NLGN4X: variants seen among roughly 807,000 people sequenced by gnomAD.
NLGN4X encodes the protein neuroligin-4, X-linked.
Under a neutral mutation model 40.3 loss-of-function variants are expected in NLGN4X, and 3 were observed. The observed-to-expected ratio is 0.07, with a 90% CI of 0.03 to 0.19. NLGN4X has a LOEUF of 0.19. Among genes scored for constraint, NLGN4X ranks in the 10% least tolerant of loss-of-function variants. The pLI, the probability that NLGN4X is intolerant of heterozygous loss-of-function variation, is 1.00. For synonymous variants in NLGN4X, 270 were observed against 306.8 expected (o/e 0.88, Z 1.25); for missense variants, 382 against 708.3 (o/e 0.54, Z 5.23).
chrX:5,944,988 A>G (rs1354478868), intron 3 of NLGN4X, among the ~76,000 whole-genome samples: 1 of 112,124 alleles, frequency 8.9e-6, no homozygotes, highest in Non-Finnish European at 1.9e-5. Context: ...AAAAGGTAGA[A>G]CACATACCCA....
At chrX:6,201,847 G>T (rs1923643457) in intron 1 of NLGN4X, among the ~76,000 whole-genome samples, 1 of 111,031 alleles carries the variant, frequency 9.0e-6, no homozygotes, top group African/African-American at 3.3e-5. Context: ...ACTTGGAAGA[G>T]AAGTGAGAGC....
intron 2 of NLGN4X, among the ~76,000 whole-genome samples, chrX:6,087,410 T>C (rs750249797): frequency 7.1e-5 from 8 of 112,028 alleles, no homozygotes; most frequent in Non-Finnish European, 1.3e-4. Context: ...CGTGCATACA[T>C]AGGTTTAAGG....
chrX:6,033,692 T>C (rs1040417757), intron 2 of NLGN4X, among the ~76,000 whole-genome samples: 2 of 93,413 alleles, frequency 2.1e-5, no homozygotes, highest in Non-Finnish European at 4.3e-5. Context: ...GGAATTTTAA[T>C]ATAGGCAAAA....
At chrX:6,161,140 TC>T (rs1334137728) in intron 1 of NLGN4X, among the ~76,000 whole-genome samples, 14 of 56,851 alleles carry the variant, frequency 2.5e-4, no homozygotes, top group African/African-American at 1.2e-3. Context: ...AATATATTAT[TC>T]TATATATTAT....
chrX:6,116,729 C>T (rs976567815), intron 2 of NLGN4X, among the ~76,000 whole-genome samples: 10 of 109,725 alleles, frequency 9.1e-5, no homozygotes, highest in African/African-American at 3.0e-4. Context: ...AGGGTTTCAC[C>T]ATGTTGGCCA....
intron 1 of NLGN4X, among the ~76,000 whole-genome samples, chrX:6,208,230 A>C (rs1200019558): frequency 8.9e-6 from 1 of 112,051 alleles, no homozygotes; most frequent in African/African-American, 3.2e-5. Context: ...CCATCTACTG[A>C]GCTTTCATTT....
intron 3 of NLGN4X, among the ~76,000 whole-genome samples, chrX:6,012,683 C>A (rs930993242): frequency 9.0e-6 from 1 of 110,777 alleles, no homozygotes; most frequent in African/African-American, 3.3e-5. Flanking sequence ...AGGGTATAAC[C>A]CTAAATCCAA....
chrX:6,176,552 G>A (rs1333113076), intron 1 of NLGN4X, among the ~76,000 whole-genome samples: 1 of 112,074 alleles, frequency 8.9e-6, no homozygotes, highest in African/African-American at 3.2e-5. Context: ...AGGTTATCCA[G>A]TGGGTCCACA....
chrX:6,211,440 A>G (rs1924595591), intron 1 of NLGN4X, among the ~76,000 whole-genome samples: 1 of 112,105 alleles, frequency 8.9e-6, no homozygotes. Flanking sequence ...TAACCATGAA[A>G]AACAATGCTT....
intron 2 of NLGN4X, among the ~76,000 whole-genome samples, chrX:6,060,330 C>T (rs1035324364): frequency 9.0e-6 from 1 of 111,601 alleles, no homozygotes; most frequent in Non-Finnish European, 1.9e-5. Flanking sequence ...AGCAGATCCA[C>T]GATCCTTTAG....
rs181354820 is a variant in NLGN4X, at chrX:6,018,993, T to A, written c.625+10287A>T. Among the ~76,000 whole-genome samples the A allele has an allele frequency of 4.4e-5, 5 of 112,567 alleles. No homozygotes were observed. The East Asian group carries it at 1.4e-3, about 31-fold the overall frequency. On this transcript the variant is annotated intron_variant, in intron 3 of 5. Transcript: ENST00000381095. ...GTCCAAGGATAAAGTATCTTAAGAATATGGCTGGACGTGCCAATCAATATG... is the reference window on the plus strand; with the variant it reads ...GTCCAAGGATAAAGTATCTTAAGAAAATGGCTGGACGTGCCAATCAATATG...
intron 2 of NLGN4X, among the ~76,000 whole-genome samples, chrX:6,074,711 A>G (rs1488910479): frequency 1.8e-5 from 2 of 111,871 alleles, no homozygotes; most frequent in Non-Finnish European, 3.8e-5. Context: ...ATGGCCTTTA[A>G]GTATGCAGAA....
chrX:5,899,957 C>T (rs2031750447), intron 5 of NLGN4X, among the ~76,000 whole-genome samples: 1 of 111,777 alleles, frequency 8.9e-6, no homozygotes, highest in South Asian at 3.7e-4. Context: ...CAGACCAAGT[C>T]GGTAATACGT....
intron 3 of NLGN4X, among the ~76,000 whole-genome samples, chrX:5,946,896 C>T (rs1487091689): frequency 9.0e-6 from 1 of 111,462 alleles, no homozygotes; most frequent in African/African-American, 3.3e-5. Context: ...GTGTTCTCAT[C>T]TTTAGCTCCC....
chrX:5,943,480 A>G (rs1362607943), intron 3 of NLGN4X, among the ~76,000 whole-genome samples: 1 of 112,125 alleles, frequency 8.9e-6, no homozygotes, highest in African/African-American at 3.2e-5. Context: ...AAGCCACTAC[A>G]GGTTGGATAA....
intron 3 of NLGN4X, among the ~76,000 whole-genome samples, chrX:5,934,165 G>A (rs768015448): frequency 2.2e-4 from 24 of 111,265 alleles, no homozygotes; most frequent in Admixed American, 7.7e-4. Flanking sequence ...TTCTGTGCCT[G>A]GCTTATTTCA....
chrX:5,970,727 C>T (rs2034998267), intron 3 of NLGN4X, among the ~76,000 whole-genome samples: 1 of 111,881 alleles, frequency 8.9e-6, no homozygotes, highest in African/African-American at 3.2e-5. Context: ...AAGGTAGGGC[C>T]ATACCTTAAC....
At chrX:5,922,336 G>A (rs888281776) in intron 3 of NLGN4X, among the ~76,000 whole-genome samples, 11 of 111,235 alleles carry the variant, frequency 9.9e-5, no homozygotes, top group Non-Finnish European at 1.7e-4. Flanking sequence ...CAAATAGCTA[G>A]AAGGAGGAAA....
rs963952986 is a variant in NLGN4X at position 5,891,893 on chromosome X, C to T, written c.*924G>A. ...GACGGGGGAAATAGGCCACACAGACCGTCTGGGTCTTCTGTGGGACATCAC... is the reference window on the plus strand; with the variant it reads ...GACGGGGGAAATAGGCCACACAGACTGTCTGGGTCTTCTGTGGGACATCAC... On this transcript the variant is annotated 3_prime_UTR_variant, in exon 6 of 6. Transcript: ENST00000381095. 2 of 133,262 alleles carry T rather than the reference C, an allele frequency of 1.5e-5. No individual in the cohort carries two copies. The highest frequency in any genetic ancestry group is 6.5e-5 in the African/African-American group (2 of 31,003). 11.0% of individuals were successfully genotyped at this position (133,262 alleles called of 1,213,427 possible).
Sources: gnomAD v4.1 joint callset for allele counts (sites outside exome capture counted in the v4.1 genomes callset) on GRCh38, gnomAD v4.1.1 for gene constraint, MANE v1.5 for transcripts, NCBI Gene and HGNC (gene_info 2026-07-23, HGNC 2026-07-21) for gene names.